SLC26A11: variants seen among roughly 807,000 people sequenced by gnomAD.
The protein encoded by SLC26A11 is solute carrier family 26 member 11, also known as sodium-independent sulfate anion transporter.
A neutral mutation model predicts 62.2 loss-of-function variants in SLC26A11; 58 were observed. That is an observed-to-expected ratio of 0.93 (90% confidence interval 0.76 to 1.16). The LOEUF is 1.16. SLC26A11 is among the 50% of genes most tolerant of loss of function. The pLI is 0.00. For missense variants in SLC26A11, 790 were observed against 794.3 expected, an observed-to-expected ratio of 0.99 and a Z score of 0.06; for synonymous variants, 411 against 368.9, an observed-to-expected ratio of 1.11 and a Z score of -1.31.
At position 80,246,033 on chromosome 17, in the gene SLC26A11, G is replaced by T. The variant is rs1299687861; in HGVS notation, c.1098-121G>T. 8.1e-6 allele frequency: 10 copies of T among 1,236,128 alleles called. No homozygotes were observed. The highest frequency in any genetic ancestry group is 1.9e-4 in the Middle Eastern group (1 of 5,368). The allele number at this position is 1,236,128 out of a possible 1,614,324, so 76.6% of individuals were successfully genotyped here. A position where few individuals can be genotyped will look rare whatever the true frequency, so the allele number is the denominator to read the frequency against. Reference sequence around the variant, plus strand: ...TTGCCTCGGTCCCCTTGCAGTCCCCGCCTGCTTCCCAAGCCGTGCTGGGAG... The same window carrying T: ...TTGCCTCGGTCCCCTTGCAGTCCCCTCCTGCTTCCCAAGCCGTGCTGGGAG... On this transcript the variant is annotated intron_variant, in intron 11 of 17. Transcript: ENST00000361193. This position sits in a 1 kb window ranked among gnomAD's most constrained non-coding sequence, Gnocchi z 4.4.
Position 80,246,172 on chromosome 17 carries a change from G to T in SLC26A11, c.1116G>T (p.Gln372His), listed in dbSNP as rs1288639460. Residue 372 changes from glutamine to histidine, a missense_variant, in exon 12 of 18, where the codon CAG (glutamine) becomes CAT (histidine). Physicochemically the swap from Gln to His is conservative, Grantham distance 24 (BLOSUM62 0). Transcript: ENST00000361193. This position sits in a 1 kb window ranked among gnomAD's most constrained non-coding sequence, Gnocchi z 4.4. Reference protein sequence around the residue: ...GSFGRTAVNAQSGVCTPAGGL... With the variant: ...GSFGRTAVNAHSGVCTPAGGL... ...CTTCCAGGACAGCCGTGAACGCTCA[G>T]TCGGGGGTGTGCACCCCGGCGGGGG... 1.2e-6 allele frequency: 2 copies of T among 1,613,098 alleles called. No individual in the cohort carries two copies. Among genetic ancestry groups the T allele is most frequent in the South Asian group, 2.2e-5 (2 of 91,090 alleles).
rs768603359 is a variant in SLC26A11 at position 80,237,006 on chromosome 17, T to C, written c.815T>C (p.Leu272Pro). The C allele has an allele frequency of 1.7e-5, 27 of 1,614,036 alleles. No individual in the cohort carries two copies. The East Asian group carries it at 4.9e-4, about 29-fold the overall frequency. The change falls in exon 8 of 18, where the codon CTA becomes CCA. Residue 272 changes from leucine to proline, a missense_variant. Physicochemically the swap from Leu to Pro is moderately conservative, Grantham distance 98. Transcript: ENST00000361193. ...FEVTGYQPFI[L>P]TGETAEGLPP... ...GTGACTGGATACCAGCCTTTCATCC[T>C]AACAGGGGAGACAGCTGAGGGGCTC...
In SLC26A11 at chr17:80,222,043, C is replaced by T. The variant is rs2042224661; in HGVS notation, c.234+249C>T. The stretch of plus-strand genomic sequence containing the variant: ...TCATGGAGGCCTCAGGAGTTCAAGA[C>T]CAGCCCGACCAAAATGGTGAAACCC... On this transcript the variant is annotated intron_variant, in intron 3 of 17. Transcript: ENST00000361193. This position sits in a 1 kb window ranked among gnomAD's most constrained non-coding sequence, Gnocchi z 4.7. 2.1e-6 allele frequency: 1 copy of T among 476,380 alleles called. No individual in the cohort carries two copies. The highest frequency in any genetic ancestry group is 3.7e-6 in the Non-Finnish European group (1 of 273,280). 29.5% of individuals were successfully genotyped at this position (476,380 alleles called of 1,614,324 possible).
intron 11 of SLC26A11, among the ~76,000 whole-genome samples, chr17:80,245,815 G>A (rs796780704): frequency 1.3e-5 from 2 of 152,322 alleles, no homozygotes; most frequent in African/African-American, 4.8e-5. Context: ...GCTTAAAGGA[G>A]AGAAGGAGGC....
At chr17:80,224,123 G>A (rs1019251967) in intron 5 of SLC26A11, among the ~76,000 whole-genome samples, 1 of 152,244 alleles carries the variant, frequency 6.6e-6, no homozygotes, top group Admixed American at 6.5e-5. Flanking sequence ...GCTGGCCTGA[G>A]ACAGTCTTCC....
In SLC26A11 at chr17:80,224,410, AGT is replaced by A. The variant is rs542845084; in HGVS notation, c.513+1077_513+1078del. ...GTGTGAGTGTATGAGTGTGAGAGTG[AGT>A]GTGAGTGAGTGAGAGTGGGTGTGGG... On this transcript the variant is annotated intron_variant, in intron 5 of 17. Transcript: ENST00000361193. Among the ~76,000 whole-genome samples the A allele has an allele frequency of 4.4e-3, 562 of 128,274 alleles. 2 individuals are homozygous for A. Among genetic ancestry groups the A allele is most frequent in the Middle Eastern group, 9.5e-3 (2 of 210 alleles). 84.2% of individuals were successfully genotyped at this position (128,274 alleles called of 152,430 possible).
At chr17:80,247,417 G>A (rs1039431003) in intron 13 of SLC26A11, among the ~76,000 whole-genome samples, 7 of 152,254 alleles carry the variant, frequency 4.6e-5, no homozygotes, top group Admixed American at 2.6e-4. Context: ...CAGTAGGGGC[G>A]GCCGGGCAGA....
Position 80,222,867 on chromosome 17 carries a change from C to A in SLC26A11, c.427+20C>A. On this transcript the variant is annotated intron_variant, in intron 4 of 17. Coordinates refer to ENST00000361193, the MANE Select transcript of SLC26A11 (RefSeq NM_001166347.2). This position sits in a 1 kb window ranked among gnomAD's most constrained non-coding sequence, Gnocchi z 4.7. ...GTTTGGGTGAGGCTCTACCTTCTTG[C>A]CAAGGGGATGCCCTCGACCTCAGCA... The A allele has an allele frequency of 6.2e-7, 1 of 1,611,640 alleles. No individual in the cohort carries two copies.
Position 80,243,394 on chromosome 17 carries a change from C to CTTATTATTATTATTATTATTATTATTA in SLC26A11, c.1036+1593_1036+1594insATTATTATTATTATTATTATTATTATT, listed in dbSNP as rs762787454. On this transcript the variant is annotated intron_variant, in intron 10 of 17. Transcript: ENST00000361193. Reference sequence around the variant, plus strand: ...AGAGCATCCCATTCCCATTACTTTACTTATTATTATTATTATTATTTGAGA... The same window carrying CTTATTATTATTATTATTATTATTATTA: ...AGAGCATCCCATTCCCATTACTTTACTTATTATTATTATTATTATTATTATTATTATTATTATTATTATTATTTGAGA... 5.9e-3 allele frequency among the ~76,000 whole-genome samples: 889 copies of CTTATTATTATTATTATTATTATTATTA among 151,788 alleles called. 4 individuals are homozygous for CTTATTATTATTATTATTATTATTATTA. Among genetic ancestry groups the CTTATTATTATTATTATTATTATTATTA allele is most frequent in the African/African-American group, 0.019 (803 of 41,336 alleles).
At position 80,245,572 on chromosome 17, in the gene SLC26A11, G is replaced by C. The variant is rs113978746; in HGVS notation, c.1097+316G>C. Among the ~76,000 whole-genome samples, 320 of 152,256 alleles carry C rather than the reference G, an allele frequency of 2.1e-3. 3 individuals carry two copies. The highest frequency in any genetic ancestry group is 7.2e-3 in the African/African-American group (300 of 41,548). Reference sequence around the variant, plus strand: ...GATGAGGCTGCAGTGAGTTGTGACCGCACCGCTGCACTCCAGCCTGGGCAA... The same window carrying C: ...GATGAGGCTGCAGTGAGTTGTGACCCCACCGCTGCACTCCAGCCTGGGCAA... On this transcript the variant is annotated intron_variant, in intron 11 of 17. Transcript: ENST00000361193.
At chr17:80,233,584 AT>A (rs56289503) in intron 7 of SLC26A11, among the ~76,000 whole-genome samples, 51 of 142,358 alleles carry the variant, frequency 3.6e-4, no homozygotes, top group Non-Finnish European at 2.9e-4. Flanking sequence ...CTCTTTCAGC[AT>A]TTTTTTTTTT....
intron 7 of SLC26A11, among the ~76,000 whole-genome samples, chr17:80,234,380 C>A (rs2042637996): frequency 6.6e-6 from 1 of 152,148 alleles, no homozygotes; most frequent in Admixed American, 6.5e-5. Flanking sequence ...TTCTTTGTTC[C>A]TCTGTATGTA....
At chr17:80,231,256 G>A (rs754601865) in intron 7 of SLC26A11, among the ~76,000 whole-genome samples, 13 of 149,858 alleles carry the variant, frequency 8.7e-5, no homozygotes, top group African/African-American at 2.7e-4. Context: ...TCCGCCTCCC[G>A]GGTTCAAGTG....
rs2043188156 is a variant in SLC26A11, at chr17:80,252,894, T to C, written c.*178T>C. The C allele has an allele frequency of 1.8e-6, 1 of 568,638 alleles. No individual in the cohort carries two copies. The highest frequency in any genetic ancestry group is 1.9e-5 in the African/African-American group (1 of 52,726). The allele number at this position is 568,638 out of a possible 1,614,324, so 35.2% of individuals were successfully genotyped here. On this transcript the variant is annotated 3_prime_UTR_variant, in exon 18 of 18. Coordinates refer to ENST00000361193, the MANE Select transcript of SLC26A11 (RefSeq NM_001166347.2). This position sits in a 1 kb window ranked among gnomAD's most constrained non-coding sequence, Gnocchi z 5.2. ...AGGTCCACGGCAGTGGGAGTGGGGCTCACTGGCTTCCTGTGGGATGACTGG... is the reference window on the plus strand; with the variant it reads ...AGGTCCACGGCAGTGGGAGTGGGGCCCACTGGCTTCCTGTGGGATGACTGG...
chr17:80,238,481 C>A (rs1012954906), intron 9 of SLC26A11, among the ~76,000 whole-genome samples: 1 of 152,220 alleles, frequency 6.6e-6, no homozygotes, highest in East Asian at 1.9e-4. Flanking sequence ...AGCCCCTCCT[C>A]GCCCCCAGGG....
chr17:80,235,620 T>C (rs2042671894), intron 7 of SLC26A11, among the ~76,000 whole-genome samples: 1 of 152,266 alleles, frequency 6.6e-6, no homozygotes. Flanking sequence ...CTTCCCAAAG[T>C]GTTGGGATTA....
intron 6 of SLC26A11, among the ~76,000 whole-genome samples, chr17:80,227,238 A>T (rs1404200700): frequency 2.0e-5 from 3 of 152,246 alleles, no homozygotes; most frequent in Admixed American, 2.0e-4. Flanking sequence ...AAAGTTTACA[A>T]ATTTGTGTTG....
At chr17:80,233,584 A>AATTT (rs112497679) in intron 7 of SLC26A11, among the ~76,000 whole-genome samples, 2 of 142,406 alleles carry the variant, frequency 1.4e-5, no homozygotes, top group African/African-American at 5.2e-5. Context: ...CTCTTTCAGC[A>AATTT]TTTTTTTTTT....
chr17:80,244,324 A>G (rs1435663333), intron 10 of SLC26A11, among the ~76,000 whole-genome samples: 1 of 152,326 alleles, frequency 6.6e-6, no homozygotes, highest in East Asian at 1.9e-4. Context: ...GAGGCAGCAT[A>G]CTGGCCATGA....
Sources: allele counts gnomAD v4.1 joint callset (sites outside exome capture counted in the v4.1 genomes callset), GRCh38; gene constraint gnomAD v4.1.1; non-coding constraint Gnocchi (gnomAD v3.1); transcripts MANE v1.5; gene names NCBI Gene and HGNC (gene_info 2026-07-23, HGNC 2026-07-21).